The following TPRG1 variants were observed in gnomAD, a reference collection of about 807,000 sequenced individuals.
TPRG1 encodes the protein tumor protein p63 regulated 1.
TPRG1 carries 29 observed loss-of-function variants against 29.3 expected under a neutral mutation model. The ratio of observed to expected loss-of-function variants is 0.99; its 90% CI spans 0.74 to 1.35. TPRG1 has a LOEUF of 1.35. TPRG1 is among the 40% of genes most tolerant of loss of function. The probability of loss-of-function intolerance (pLI) is 0.00; values close to 1 mark genes in which losing one functional copy is unlikely to be tolerated. For synonymous variants in TPRG1, 130 were observed against 116.8 expected, an observed-to-expected ratio of 1.11 and a Z score of -0.73; for missense variants, 327 against 335.0, an observed-to-expected ratio of 0.98 and a Z score of 0.19.
At chr3:189,215,260 T>C in intron 2 of TPRG1, 32 bp from the exon 3 acceptor site, 1 of 1,586,262 alleles carries the variant, frequency 6.3e-7, no homozygotes, top group Non-Finnish European at 8.6e-7. Context: ...CTAAGTCTGC[T>C]CTAAACTAGG....
chr3:189,247,177 A>G (rs1299885581), intron 4 of TPRG1, among the ~76,000 whole-genome samples: 4 of 151,980 alleles, frequency 2.6e-5, no homozygotes, highest in Admixed American at 2.6e-4. Flanking sequence ...CTTATCTTCA[A>G]ATTGGATAAT....
At chr3:189,162,419 G>A (rs1199889335) in intron 5 of TPRG1, among the ~76,000 whole-genome samples, 1 of 152,228 alleles carries the variant, frequency 6.6e-6, no homozygotes, top group East Asian at 1.9e-4. Flanking sequence ...TAAGGGTGAA[G>A]CACTGTTGTT....
At chr3:189,053,891 T>C (rs1387066461) in intron 4 of TPRG1, among the ~76,000 whole-genome samples, 2 of 152,232 alleles carry the variant, frequency 1.3e-5, no homozygotes, top group Non-Finnish European at 2.9e-5. Flanking sequence ...TGTTTGATCT[T>C]CTTTACAGAT....
intron 1 of TPRG1, among the ~76,000 whole-genome samples, chr3:189,197,985 G>A (rs1732824125): frequency 6.6e-6 from 1 of 152,196 alleles, no homozygotes; most frequent in African/African-American, 2.4e-5. Flanking sequence ...GGTTGACTGT[G>A]AGAAAATTCT....
chr3:189,087,039 G>T (rs1479599228), intron 4 of TPRG1, among the ~76,000 whole-genome samples: 2 of 152,190 alleles, frequency 1.3e-5, no homozygotes, highest in Non-Finnish European at 2.9e-5. Flanking sequence ...GGATGGCTGG[G>T]TCAAATAGTA....
At chr3:189,212,620 A>G (rs145322283) in intron 2 of TPRG1, among the ~76,000 whole-genome samples, 1,909 of 151,916 alleles carry the variant, frequency 0.013, 26 homozygotes, top group Non-Finnish European at 0.016. Flanking sequence ...GATATGATAT[A>G]TTCCCTTCAT....
At chr3:189,175,556 A>C (rs11926541) in intron 1 of TPRG1, among the ~76,000 whole-genome samples, 19,047 of 152,182 alleles carry the variant, frequency 0.13, 1,551 homozygotes, top group African/African-American at 0.22. Context: ...TTGTTATCCA[A>C]GTTTGTAAGT....
intron 3 of TPRG1, among the ~76,000 whole-genome samples, chr3:189,221,204 C>T (rs920466310): frequency 7.9e-5 from 12 of 152,150 alleles, no homozygotes; most frequent in African/African-American, 2.7e-4. Flanking sequence ...TTCTATAGCA[C>T]TTTATAGTTT....
chr3:189,173,962 C>T lies in TPRG1; in HGVS notation c.-10+1831C>T, dbSNP rs1023967747. The stretch of plus-strand genomic sequence containing the variant: ...CTTGGTTCTTCTGGAATATTTGCTT[C>T]GGCCAAATGTTGGAGCTGCTCCTTA... On this transcript the variant is annotated intron_variant, in intron 1 of 5. Transcript: ENST00000345063. Among the ~76,000 whole-genome samples, 6 of 152,134 alleles carry T rather than the reference C, an allele frequency of 3.9e-5. No individual in the cohort carries two copies. The South Asian group carries it at 6.2e-4, about 16-fold the overall frequency.
intron 5 of TPRG1, among the ~76,000 whole-genome samples, chr3:189,163,136 G>A (rs117379633): frequency 0.061 from 9,245 of 152,142 alleles, 723 homozygotes; most frequent in African/African-American, 0.18. Context: ...AGCTGGGCAC[G>A]GTGCCAGGTG....
At chr3:189,075,269 A>T (rs1717090061) in intron 4 of TPRG1, among the ~76,000 whole-genome samples, 1 of 152,024 alleles carries the variant, frequency 6.6e-6, no homozygotes, top group Non-Finnish European at 1.5e-5. Flanking sequence ...AGTAGCTGGG[A>T]TTACAGGCAT....
At chr3:189,236,753 T>G (rs572883846) in intron 3 of TPRG1, among the ~76,000 whole-genome samples, 2 of 152,302 alleles carry the variant, frequency 1.3e-5, no homozygotes, top group African/African-American at 4.8e-5. Context: ...ATTCTTCTTT[T>G]CTTCCTTTTT....
chr3:189,310,189 C>G (rs1324821222), intron 4 of TPRG1, 197 bp from the exon 5 acceptor site: 8 of 378,982 alleles, frequency 2.1e-5, no homozygotes, highest in Non-Finnish European at 3.8e-5. Flanking sequence ...TAGGTGTTTC[C>G]CATATAGAAT....
chr3:189,108,565 G>A (rs1720099610), intron 1 of TPRG1, among the ~76,000 whole-genome samples: 1 of 149,582 alleles, frequency 6.7e-6, no homozygotes, highest in African/African-American at 2.5e-5. Flanking sequence ...ACAACTGTAC[G>A]GAATGCTGAT....
At chr3:189,134,994 G>A (rs937475193) in intron 3 of TPRG1, among the ~76,000 whole-genome samples, 7 of 152,114 alleles carry the variant, frequency 4.6e-5, no homozygotes, top group Admixed American at 1.3e-4. Context: ...ATGGTTTTAC[G>A]GGGTCCCTGA....
At chr3:189,303,116 A>G (rs1721092223) in intron 4 of TPRG1, among the ~76,000 whole-genome samples, 1 of 152,188 alleles carries the variant, frequency 6.6e-6, no homozygotes, top group South Asian at 2.1e-4. Flanking sequence ...TTTGGGTAAC[A>G]TTTAGATTTC....
chr3:189,101,846 G>C (rs1250502072), intron 1 of TPRG1, among the ~76,000 whole-genome samples: 1 of 151,768 alleles, frequency 6.6e-6, no homozygotes, highest in African/African-American at 2.4e-5. Flanking sequence ...TATTTCTTGA[G>C]TACTCAGTAC....
chr3:189,093,850 G>T (rs891825538), intron 4 of TPRG1, among the ~76,000 whole-genome samples: 1 of 152,166 alleles, frequency 6.6e-6, no homozygotes. Context: ...TGCATCTTTA[G>T]AGTTGACCGT....
chr3:189,006,609 G>A (rs1712299251), intron 3 of TPRG1, among the ~76,000 whole-genome samples: 1 of 152,008 alleles, frequency 6.6e-6, no homozygotes, highest in African/African-American at 2.4e-5. Flanking sequence ...CAGGCCCTGT[G>A]ACTACAAGAA....
Sources: gnomAD v4.1 joint callset for allele counts (sites outside exome capture counted in the v4.1 genomes callset) on GRCh38, gnomAD v4.1.1 for gene constraint, MANE v1.5 for transcripts, NCBI Gene and HGNC (gene_info 2026-07-23, HGNC 2026-07-21) for gene names.